CNOT4: variants seen among roughly 807,000 people sequenced by gnomAD.
CNOT4 encodes the protein CCR4-NOT transcription complex subunit 4.
Under a neutral mutation model 73.8 loss-of-function variants are expected in CNOT4, and 8 were observed. The observed-to-expected ratio is 0.11, with a 90% CI of 0.06 to 0.20. The LOEUF is 0.20. Among genes scored for constraint, CNOT4 ranks in the 10% least tolerant of loss-of-function variants. The pLI, the probability that CNOT4 is intolerant of heterozygous loss-of-function variation, is 1.00. For synonymous variants in CNOT4, 293 were observed against 321.1 expected (o/e 0.91, Z 0.94); for missense variants, 564 against 883.4 (o/e 0.64, Z 4.58).
At chr7:135,380,256 C>T (rs1795770303) in intron 10 of CNOT4, among the ~76,000 whole-genome samples, 1 of 152,100 alleles carries the variant, frequency 6.6e-6, no homozygotes, top group Non-Finnish European at 1.5e-5. Flanking sequence ...GGTGCCATTA[C>T]TATAAGTTTT....
Position 135,414,395 on chromosome 7 carries a change from G to T in CNOT4, c.497C>A (p.Ser166Ter). Residue 166 changes from serine to a stop codon, truncating the protein, a stop_gained, in exon 5 of 12, where the codon TCA becomes TAA. Coordinates refer to ENST00000541284, the MANE Select transcript of CNOT4 (RefSeq NM_001190850.2). LOFTEE classifies it high-confidence loss of function. ...SASAYVTYIR[S>*]EDALRAIQCV... Reference sequence around the variant, plus strand: ...CTGTATGGCTCTGAGAGCGTCTTCTGACCGGATATAGGTTACATAAGCACT... The same window carrying T: ...CTGTATGGCTCTGAGAGCGTCTTCTTACCGGATATAGGTTACATAAGCACT... The T allele has an allele frequency of 1.9e-6, 3 of 1,562,872 alleles. No homozygotes were observed. The highest frequency in any genetic ancestry group is 1.1e-5 in the South Asian group (1 of 89,318).
chr7:135,384,881 T>C (rs1401491390), intron 10 of CNOT4: 2 of 627,454 alleles, frequency 3.2e-6, no homozygotes, highest in African/African-American at 1.8e-5. Context: ...ATACATATTC[T>C]TGACATTTCC....
At chr7:135,394,481 C>T in intron 9 of CNOT4, 66 bp from the exon 10 acceptor site, 2 of 1,288,902 alleles carry the variant, frequency 1.6e-6, no homozygotes, top group Non-Finnish European at 2.2e-6. Flanking sequence ...AATAAGTATC[C>T]ATGCTACTGA....
chr7:135,396,033 C>T (rs1796661756), intron 8 of CNOT4, 150 bp from the exon 9 acceptor site: 3 of 529,154 alleles, frequency 5.7e-6, no homozygotes, highest in Non-Finnish European at 1.0e-5. Flanking sequence ...TTCAGAAAAT[C>T]AATTAAATCA....
intron 1 of CNOT4, among the ~76,000 whole-genome samples, chr7:135,445,618 A>C (rs1268520671): frequency 6.6e-6 from 1 of 152,210 alleles, no homozygotes; most frequent in African/African-American, 2.4e-5. Flanking sequence ...ACTTGTTCTA[A>C]AACAATCTGT....
chr7:135,448,402 G>A (rs1258474589), intron 1 of CNOT4, among the ~76,000 whole-genome samples: 1 of 151,996 alleles, frequency 6.6e-6, no homozygotes, highest in Non-Finnish European at 1.5e-5. Context: ...AAATTAGCCA[G>A]GCGTGGTGGC....
intron 5 of CNOT4, 121 bp downstream of exon 5, chr7:135,414,210 A>C: frequency 1.8e-6 from 1 of 550,170 alleles, no homozygotes. Context: ...TATGGACCCT[A>C]AGACAGACTC....
chr7:135,424,844 C>A (rs1486112445), intron 2 of CNOT4, among the ~76,000 whole-genome samples: 1 of 152,094 alleles, frequency 6.6e-6, no homozygotes, highest in African/African-American at 2.4e-5. Context: ...CATTTGAAAG[C>A]TGTTGCTCTT....
Position 135,435,547 on chromosome 7 carries a change from T to A in CNOT4, c.174+2611A>T, listed in dbSNP as rs114632595. On this transcript the variant is annotated intron_variant, in intron 2 of 11. Coordinates refer to ENST00000541284, the MANE Select transcript of CNOT4 (RefSeq NM_001190850.2). ...GAAATATAATCTTTCTACATGAATA[T>A]GACATTCCCTCTTTCCTTTCCGAAA... is the stretch of plus-strand genomic sequence containing the variant. 1.6e-3 allele frequency among the ~76,000 whole-genome samples: 246 copies of A among 152,356 alleles called. 1 individual carries two copies. Among genetic ancestry groups the A allele is most frequent in the African/African-American group, 5.7e-3 (236 of 41,590 alleles).
In CNOT4 at chr7:135,454,470, A is replaced by T. The variant is rs1800397348; in HGVS notation, c.-92-16047T>A. Among the ~76,000 whole-genome samples the T allele has an allele frequency of 4.0e-5, 6 of 151,284 alleles. No homozygotes were observed. In the South Asian group the frequency reaches 1.1e-3, roughly 27 times the overall value. On this transcript the variant is annotated intron_variant, in intron 1 of 11. Coordinates refer to ENST00000541284, the MANE Select transcript of CNOT4 (RefSeq NM_001190850.2). ...AGAGTTAAAGACCAGCCTGGGCAAT[A>T]TGGCGAAACCCTATCTCTATAAAAA...
intron 2 of CNOT4, 83 bp from the exon 3 acceptor site, chr7:135,422,436 G>T: frequency 2.8e-6 from 2 of 704,358 alleles, no homozygotes. Flanking sequence ...CTTGGTGGTG[G>T]GTATGTGGTT....
chr7:135,384,381 T>C, intron 10 of CNOT4: 1 of 301,036 alleles, frequency 3.3e-6, no homozygotes, highest in East Asian at 8.1e-5. Flanking sequence ...ACCTCCTGGG[T>C]TCGCGCCATT....
intron 1 of CNOT4, among the ~76,000 whole-genome samples, chr7:135,447,315 C>T (rs964124957): frequency 2.6e-5 from 4 of 152,128 alleles, no homozygotes; most frequent in South Asian, 4.1e-4. Context: ...CTTAATTTCC[C>T]CTTTTAAATT....
intron 1 of CNOT4, among the ~76,000 whole-genome samples, chr7:135,469,797 T>G (rs1215826663): frequency 6.6e-6 from 1 of 151,732 alleles, no homozygotes; most frequent in Non-Finnish European, 1.5e-5. Flanking sequence ...TTTTTTGTTG[T>G]TGGTGGTGAT....
At chr7:135,471,041 A>G (rs1347666487) in intron 1 of CNOT4, among the ~76,000 whole-genome samples, 1 of 152,158 alleles carries the variant, frequency 6.6e-6, no homozygotes, top group East Asian at 1.9e-4. Context: ...TGTCTGCAGA[A>G]CCCTTACAGT....
At chr7:135,430,425 G>A (rs1450740396) in intron 2 of CNOT4, among the ~76,000 whole-genome samples, 1 of 152,024 alleles carries the variant, frequency 6.6e-6, no homozygotes, top group Non-Finnish European at 1.5e-5. Context: ...AACACCTGAG[G>A]GCAGTAGTTC....
At chr7:135,505,362 G>T (rs574835611) in intron 1 of CNOT4, among the ~76,000 whole-genome samples, 30 of 152,106 alleles carry the variant, frequency 2.0e-4, no homozygotes, top group Non-Finnish European at 3.7e-4. Context: ...AGAACAGCTG[G>T]TCAACATGGT....
chr7:135,408,470 A>G (rs759771447), intron 7 of CNOT4, among the ~76,000 whole-genome samples: 1 of 152,224 alleles, frequency 6.6e-6, no homozygotes, highest in East Asian at 1.9e-4. Context: ...TTAGTGTATA[A>G]GAAAATACAC....
At chr7:135,460,021 T>C (rs1239542817) in intron 1 of CNOT4, among the ~76,000 whole-genome samples, 1 of 152,256 alleles carries the variant, frequency 6.6e-6, no homozygotes, top group Non-Finnish European at 1.5e-5. Flanking sequence ...TCTCAGCTAG[T>C]TGCAAAGTTT....
Sources: allele counts gnomAD v4.1 joint callset (sites outside exome capture counted in the v4.1 genomes callset), GRCh38; gene constraint gnomAD v4.1.1; transcripts MANE v1.5; gene names NCBI Gene and HGNC (gene_info 2026-07-23, HGNC 2026-07-21).